IL1RAPL1: variants seen among roughly 807,000 people sequenced by gnomAD.
IL1RAPL1 encodes interleukin 1 receptor accessory protein like 1.
In IL1RAPL1, 3 loss-of-function variants were observed where a neutral mutation model predicts 48.4. The ratio of observed to expected loss-of-function variants is 0.06; its 90% CI spans 0.03 to 0.16. The LOEUF is 0.16. Among genes scored for constraint, IL1RAPL1 ranks in the 10% least tolerant of loss-of-function variants. IL1RAPL1 has a pLI of 1.00. For missense variants in IL1RAPL1, 349 were observed against 530.6 expected (o/e 0.66, Z 3.36); for synonymous variants, 185 against 187.7 (o/e 0.99, Z 0.12).
chrX:28,780,123 A>T (rs1936404770), intron 1 of IL1RAPL1, among the ~76,000 whole-genome samples: 1 of 111,408 alleles, frequency 9.0e-6, no homozygotes, highest in Admixed American at 9.6e-5. Context: ...TTACAGAGAT[A>T]TAAAATAGCT....
chrX:29,316,634 T>A (rs765182087), intron 3 of IL1RAPL1, among the ~76,000 whole-genome samples: 40 of 112,005 alleles, frequency 3.6e-4, no homozygotes, highest in Non-Finnish European at 6.2e-4. Flanking sequence ...GGGTGAGATA[T>A]CTTGAAGCAG....
At chrX:29,217,168 G>A (rs1361044775) in intron 2 of IL1RAPL1, among the ~76,000 whole-genome samples, 3 of 112,063 alleles carry the variant, frequency 2.7e-5, no homozygotes, top group Admixed American at 9.5e-5. Flanking sequence ...ATGATGGACT[G>A]CCCTTTTCAA....
intron 3 of IL1RAPL1, among the ~76,000 whole-genome samples, chrX:29,378,326 C>T (rs1385804505): frequency 8.9e-6 from 1 of 111,961 alleles, no homozygotes; most frequent in East Asian, 2.8e-4. Context: ...TCCTGAATCT[C>T]AATGAGCTTC....
intron 1 of IL1RAPL1, among the ~76,000 whole-genome samples, chrX:28,779,404 A>G (rs749893128): frequency 1.9e-5 from 2 of 108,099 alleles, no homozygotes; most frequent in African/African-American, 6.7e-5. Flanking sequence ...TTGCAGTTCC[A>G]CTGATCTCTT....
At chrX:28,744,581 T>C (rs1314124220) in intron 1 of IL1RAPL1, among the ~76,000 whole-genome samples, 1 of 111,635 alleles carries the variant, frequency 9.0e-6, no homozygotes, top group African/African-American at 3.3e-5. Flanking sequence ...CCTGTGTGTC[T>C]ATACTCAAAA....
chrX:28,649,815 G>C (rs1335464175), intron 1 of IL1RAPL1, among the ~76,000 whole-genome samples: 2 of 111,980 alleles, frequency 1.8e-5, no homozygotes, highest in Non-Finnish European at 3.8e-5. Context: ...GGCTCCTCCA[G>C]AGACTGCACA....
intron 2 of IL1RAPL1, among the ~76,000 whole-genome samples, chrX:29,261,637 T>C (rs1251511322): frequency 9.0e-6 from 1 of 111,128 alleles, no homozygotes. Flanking sequence ...TTTAAAAAAA[T>C]ATAATCTACA....
chrX:29,468,257 G>A (rs1378846821), intron 5 of IL1RAPL1, among the ~76,000 whole-genome samples: 1 of 112,456 alleles, frequency 8.9e-6, no homozygotes, highest in East Asian at 2.8e-4. Flanking sequence ...TATTAATATG[G>A]AATTTTGTAT....
At chrX:29,119,716 A>T (rs903068156) in intron 2 of IL1RAPL1, among the ~76,000 whole-genome samples, 3 of 111,246 alleles carry the variant, frequency 2.7e-5, no homozygotes, top group African/African-American at 9.8e-5. Flanking sequence ...CATAAATCAT[A>T]GTAGGGGGCT....
At chrX:29,140,023 C>CATCT (rs1929215323) in intron 2 of IL1RAPL1, among the ~76,000 whole-genome samples, 1 of 111,459 alleles carries the variant, frequency 9.0e-6, no homozygotes. Context: ...ATGGAGCCAG[C>CATCT]ATCTGCTCCT....
intron 3 of IL1RAPL1, among the ~76,000 whole-genome samples, chrX:29,387,992 G>GA (rs760298187): frequency 1.1e-3 from 87 of 80,106 alleles, no homozygotes; most frequent in South Asian, 3.6e-3. Context: ...GACTCTGTCT[G>GA]AAAAAAAAAA....
At chrX:29,894,012 T>C (rs1001569064) in intron 6 of IL1RAPL1, among the ~76,000 whole-genome samples, 1 of 112,336 alleles carries the variant, frequency 8.9e-6, no homozygotes, top group Non-Finnish European at 1.9e-5. Flanking sequence ...CTTATTCAAA[T>C]ATGTATTTCC....
At chrX:28,892,232 T>C (rs769749540) in intron 2 of IL1RAPL1, among the ~76,000 whole-genome samples, 32 of 105,566 alleles carry the variant, frequency 3.0e-4, no homozygotes, top group African/African-American at 1.0e-3. Flanking sequence ...GCGAAGGGAG[T>C]TGGGGTGGGG....
chrX:28,594,649 A>C (rs1933936343), intron 1 of IL1RAPL1, among the ~76,000 whole-genome samples: 1 of 111,933 alleles, frequency 8.9e-6, no homozygotes, highest in African/African-American at 3.2e-5. Flanking sequence ...TGTTCTAGTT[A>C]TATAGCAATA....
chrX:28,989,402 A>T lies in IL1RAPL1; in HGVS notation c.82+199977A>T, dbSNP rs184274884. Among the ~76,000 whole-genome samples the T allele has an allele frequency of 2.7e-5, 3 of 112,982 alleles. No homozygotes were observed. In the East Asian group the frequency reaches 8.3e-4, roughly 31 times the overall value. On this transcript the variant is annotated intron_variant, in intron 2 of 10. Coordinates refer to ENST00000378993, the MANE Select transcript of IL1RAPL1 (RefSeq NM_014271.4). ...GTTAAAACCATAAATGGCAGAAAAT[A>T]AATTTGAAAACTAATTATTAACATC... is the stretch of plus-strand genomic sequence containing the variant.
intron 5 of IL1RAPL1, among the ~76,000 whole-genome samples, chrX:29,440,338 G>A (rs1602236135): frequency 9.0e-6 from 1 of 111,224 alleles, no homozygotes; most frequent in Non-Finnish European, 1.9e-5. Flanking sequence ...TGGAATGATG[G>A]CAGTGATTGT....
At chrX:29,049,970 A>G (rs1927057716) in intron 2 of IL1RAPL1, among the ~76,000 whole-genome samples, 1 of 111,883 alleles carries the variant, frequency 8.9e-6, no homozygotes. Flanking sequence ...TTCTTTTTCT[A>G]TTTCAGGATC....
At chrX:28,859,452 G>T (rs952071720) in intron 2 of IL1RAPL1, among the ~76,000 whole-genome samples, 5 of 111,132 alleles carry the variant, frequency 4.5e-5, no homozygotes, top group African/African-American at 1.6e-4. Flanking sequence ...TAGAGACTGG[G>T]TTTCACCATG....
chrX:29,479,834 C>T lies in IL1RAPL1; in HGVS notation c.703+80526C>T, dbSNP rs780705900. On this transcript the variant is annotated intron_variant, in intron 5 of 10. Coordinates refer to ENST00000378993, the MANE Select transcript of IL1RAPL1 (RefSeq NM_014271.4). ...GCCTCCAGCTCCATCCAAGTTGCTGCAAAAGACACTATTTCATTCCTTTTT... is the reference window on the plus strand; with the variant it reads ...GCCTCCAGCTCCATCCAAGTTGCTGTAAAAGACACTATTTCATTCCTTTTT... Among the ~76,000 whole-genome samples the T allele has an allele frequency of 4.5e-5, 5 of 111,305 alleles. No homozygotes were observed. In the East Asian group the frequency reaches 1.1e-3, roughly 25 times the overall value.
Sources: gnomAD v4.1 joint callset for allele counts (sites outside exome capture counted in the v4.1 genomes callset) on GRCh38, gnomAD v4.1.1 for gene constraint, MANE v1.5 for transcripts, NCBI Gene and HGNC (gene_info 2026-07-23, HGNC 2026-07-21) for gene names.